The following GRXCR1 variants were observed in gnomAD, a reference collection of about 807,000 sequenced individuals.
GRXCR1 encodes glutaredoxin and cysteine rich domain containing 1.
In GRXCR1, 27 loss-of-function variants were observed where a neutral mutation model predicts 27.3. The observed-to-expected ratio is 0.99, with a 90% CI of 0.73 to 1.37. The LOEUF (loss-of-function observed/expected upper bound fraction) is 1.37, where lower values mean the gene tolerates loss of function less well. Ranked by LOEUF, GRXCR1 falls within the 40% of genes most tolerant of loss-of-function variation. The probability of loss-of-function intolerance (pLI) is 0.00; values close to 1 mark genes in which losing one functional copy is unlikely to be tolerated. For synonymous variants in GRXCR1, 122 were observed against 131.1 expected (o/e 0.93, Z 0.47); for missense variants, 379 against 354.4 (o/e 1.07, Z -0.56).
At chr4:42,944,577 T>G (rs1331590224) in intron 1 of GRXCR1, among the ~76,000 whole-genome samples, 1 of 152,108 alleles carries the variant, frequency 6.6e-6, no homozygotes, top group Non-Finnish European at 1.5e-5. Flanking sequence ...GGTACGTTTT[T>G]ATCTATTTTA....
At chr4:43,012,560 A>G (rs1168056054) in intron 2 of GRXCR1, among the ~76,000 whole-genome samples, 4 of 152,256 alleles carry the variant, frequency 2.6e-5, no homozygotes, top group African/African-American at 9.6e-5. Context: ...ATTTATTACT[A>G]CTACTTCTAA....
intron 1 of GRXCR1, among the ~76,000 whole-genome samples, chr4:42,954,977 A>G (rs1346033822): frequency 6.6e-6 from 1 of 152,180 alleles, no homozygotes; most frequent in African/African-American, 2.4e-5. Context: ...CATAATGCAC[A>G]TTTAACTATA....
chr4:42,900,080 G>A (rs948376668), intron 1 of GRXCR1, among the ~76,000 whole-genome samples: 4 of 152,216 alleles, frequency 2.6e-5, no homozygotes, highest in South Asian at 4.1e-4. Flanking sequence ...GCTCATGCTG[G>A]CAGATATTGC....
intron 1 of GRXCR1, among the ~76,000 whole-genome samples, chr4:42,948,029 T>G (rs1486073040): frequency 6.6e-6 from 1 of 152,234 alleles, no homozygotes. Flanking sequence ...AACATTTTTT[T>G]GCTTTTGAAA....
intron 3 of GRXCR1, among the ~76,000 whole-genome samples, chr4:43,027,375 G>A (rs982808551): frequency 4.6e-5 from 7 of 152,144 alleles, no homozygotes; most frequent in African/African-American, 1.7e-4. Context: ...TATATATTAA[G>A]TTTATTTTAG....
At chr4:42,922,183 G>T (rs1241662034) in intron 1 of GRXCR1, among the ~76,000 whole-genome samples, 2 of 152,080 alleles carry the variant, frequency 1.3e-5, no homozygotes, top group Admixed American at 1.3e-4. Context: ...AGTCAAATTG[G>T]GGTTTAGACT....
chr4:43,022,525 T>A (rs1164553161), intron 3 of GRXCR1, among the ~76,000 whole-genome samples: 1 of 152,246 alleles, frequency 6.6e-6, no homozygotes, highest in Non-Finnish European at 1.5e-5. Context: ...ATTTTTAATG[T>A]TCAAAATAAT....
intron 2 of GRXCR1, among the ~76,000 whole-genome samples, chr4:42,991,180 C>T (rs1711960501): frequency 1.3e-5 from 2 of 151,806 alleles, no homozygotes; most frequent in African/African-American, 2.4e-5. Flanking sequence ...TTTATTTTGC[C>T]TTATATTTCT....
chr4:42,931,841 C>T (rs57943267), intron 1 of GRXCR1, among the ~76,000 whole-genome samples: 38,468 of 151,696 alleles, frequency 0.25, 5,351 homozygotes, highest in African/African-American at 0.37. Flanking sequence ...AAGACATACC[C>T]GAGCCTGGGT....
chr4:42,991,783 G>GT (rs1711983187), intron 2 of GRXCR1, among the ~76,000 whole-genome samples: 1 of 151,986 alleles, frequency 6.6e-6, no homozygotes, highest in Non-Finnish European at 1.5e-5. Flanking sequence ...CAGTTAAAAA[G>GT]TAAGTTTTTT....
At chr4:43,000,972 G>C (rs912788413) in intron 2 of GRXCR1, among the ~76,000 whole-genome samples, 4 of 151,976 alleles carry the variant, frequency 2.6e-5, no homozygotes, top group African/African-American at 4.8e-5. Flanking sequence ...TGTTGCCCAG[G>C]CTGGAGTACA....
rs114885942 is a variant in GRXCR1 at position 43,007,687 on chromosome 4, A to T, written c.628-12667A>T. On this transcript the variant is annotated intron_variant, in intron 2 of 3. Coordinates refer to ENST00000399770, the MANE Select transcript of GRXCR1 (RefSeq NM_001080476.3). ...TTACTGATGAATTGAATGTGGGATG[A>T]TGAAAAATGAGAAGTCAAGGTCAAT... Among the ~76,000 whole-genome samples the T allele has an allele frequency of 4.2e-3, 637 of 152,354 alleles. 9 individuals are homozygous for T. The highest frequency in any genetic ancestry group is 0.014 in the African/African-American group (593 of 41,578).
chr4:42,952,719 A>G (rs1276720259), intron 1 of GRXCR1, among the ~76,000 whole-genome samples: 2 of 152,164 alleles, frequency 1.3e-5, no homozygotes, highest in Non-Finnish European at 2.9e-5. Flanking sequence ...TGAGTGGAAC[A>G]GCACACCCAA....
At chr4:42,909,509 G>A (rs1746669674) in intron 1 of GRXCR1, among the ~76,000 whole-genome samples, 2 of 152,080 alleles carry the variant, frequency 1.3e-5, no homozygotes, top group African/African-American at 4.8e-5. Flanking sequence ...ATGTATCCTG[G>A]AGCCAGAGCT....
intron 2 of GRXCR1, among the ~76,000 whole-genome samples, chr4:43,007,812 G>A (rs567484599): frequency 6.6e-6 from 1 of 152,308 alleles, no homozygotes; most frequent in East Asian, 1.9e-4. Context: ...TTCCATGTGA[G>A]AGTTTTTGCT....
chr4:43,001,466 A>G (rs996688260), intron 2 of GRXCR1, among the ~76,000 whole-genome samples: 1 of 152,126 alleles, frequency 6.6e-6, no homozygotes, highest in Non-Finnish European at 1.5e-5. Flanking sequence ...AATCAGTGAC[A>G]GTTATGTGTT....
At chr4:42,943,531 T>A (rs1747671830) in intron 1 of GRXCR1, among the ~76,000 whole-genome samples, 1 of 152,018 alleles carries the variant, frequency 6.6e-6, no homozygotes, top group South Asian at 2.1e-4. Flanking sequence ...GGACACTTAG[T>A]TTTAATAAGC....
intron 1 of GRXCR1, among the ~76,000 whole-genome samples, chr4:42,941,839 C>T (rs1038995702): frequency 6.6e-6 from 1 of 151,898 alleles, no homozygotes; most frequent in Non-Finnish European, 1.5e-5. Flanking sequence ...AAATTATCCC[C>T]ACTATTGAAA....
chr4:42,914,281 A>G (rs1369207762), intron 1 of GRXCR1, among the ~76,000 whole-genome samples: 3 of 152,250 alleles, frequency 2.0e-5, no homozygotes, highest in Non-Finnish European at 4.4e-5. Context: ...GGGGGGCTGT[A>G]TCCTGCAAAG....
Sources: gnomAD v4.1 joint callset for allele counts (sites outside exome capture counted in the v4.1 genomes callset) on GRCh38, gnomAD v4.1.1 for gene constraint, MANE v1.5 for transcripts, NCBI Gene and HGNC (gene_info 2026-07-23, HGNC 2026-07-21) for gene names.